Variants in CNTN6 observed in about 807,000 individuals in gnomAD.
The protein encoded by CNTN6 is contactin-6.
In CNTN6, 137 loss-of-function variants were observed where a neutral mutation model predicts 122.8. That is an observed-to-expected ratio of 1.12 (90% CI 0.97 to 1.29). The LOEUF (loss-of-function observed/expected upper bound fraction) is 1.29. Among genes scored for constraint, CNTN6 ranks in the 50% most tolerant of loss-of-function variants. CNTN6 has a pLI of 0.00. For synonymous variants in CNTN6, 570 were observed against 426.0 expected (o/e 1.34, Z -4.16); for missense variants, 1,634 against 1,223.4 (o/e 1.34, Z -5.01).
chr3:1,403,444 GT>G lies in CNTN6; in HGVS notation c.*32del, dbSNP rs764418691. 2 of 1,496,994 alleles carry G rather than the reference GT, an allele frequency of 1.3e-6. No individual in the cohort carries two copies. Among genetic ancestry groups the G allele is most frequent in the Middle Eastern group, 1.7e-4 (1 of 5,822 alleles). 92.7% of individuals were successfully genotyped at this position (1,496,994 alleles called of 1,614,324 possible). A position where few individuals can be genotyped will look rare whatever the true frequency, so the allele number is the denominator to read the frequency against. On this transcript the variant is annotated 3_prime_UTR_variant, in exon 23 of 23. Transcript: ENST00000446702. ...TGAATAAAACCATAAATCTTTGAGA[GT>G]TTTTTGAAAGCAAATCATTCTGTAT...
At chr3:1,281,311 A>G (rs1362535997) in intron 5 of CNTN6, among the ~76,000 whole-genome samples, 1 of 152,176 alleles carries the variant, frequency 6.6e-6, no homozygotes, top group Non-Finnish European at 1.5e-5. Context: ...CTAGAAATAT[A>G]TTCATGGGGG....
intron 2 of CNTN6, among the ~76,000 whole-genome samples, chr3:1,202,266 C>A (rs554984933): frequency 6.7e-4 from 102 of 152,348 alleles, no homozygotes; most frequent in Admixed American, 2.1e-3. Context: ...TTGGGCCGGG[C>A]GCGGTGGCTC....
chr3:1,275,384 A>G (rs1692147293), intron 4 of CNTN6, among the ~76,000 whole-genome samples: 1 of 152,200 alleles, frequency 6.6e-6, no homozygotes, highest in African/African-American at 2.4e-5. Context: ...TTTCTTGGCA[A>G]GATCACATAT....
chr3:1,284,306 GA>G (rs145983990), intron 5 of CNTN6, among the ~76,000 whole-genome samples: 4,692 of 152,248 alleles, frequency 0.031, 245 homozygotes, highest in African/African-American at 0.11. Flanking sequence ...AAATTATGTA[GA>G]GAAAAAAGTG....
intron 7 of CNTN6, among the ~76,000 whole-genome samples, chr3:1,300,603 A>AAGAAAGAG (rs1330480945): frequency 8.5e-5 from 10 of 117,318 alleles, no homozygotes; most frequent in Non-Finnish European, 1.6e-4. Context: ...GAAAGAAAGA[A>AAGAAAGAG]AGAGAGAAAG....
intron 4 of CNTN6, among the ~76,000 whole-genome samples, chr3:1,270,894 T>TCGTG (rs1553649524): frequency 6.6e-6 from 1 of 152,004 alleles, no homozygotes; most frequent in Non-Finnish European, 1.5e-5. Flanking sequence ...TACTTTGTCT[T>TCGTG]TGTTTGTTTG....
chr3:1,295,343 T>C (rs1696024813), intron 5 of CNTN6, among the ~76,000 whole-genome samples: 1 of 152,174 alleles, frequency 6.6e-6, no homozygotes, highest in Non-Finnish European at 1.5e-5. Flanking sequence ...CTTATTTCCA[T>C]AACATCCTAT....
At chr3:1,208,733 C>T (rs1356544753) in intron 2 of CNTN6, among the ~76,000 whole-genome samples, 1 of 152,104 alleles carries the variant, frequency 6.6e-6, no homozygotes, top group Non-Finnish European at 1.5e-5. Context: ...CTCATTTTCT[C>T]ATCTTTAAAA....
At chr3:1,289,971 G>A (rs1169807493) in intron 5 of CNTN6, among the ~76,000 whole-genome samples, 2 of 151,754 alleles carry the variant, frequency 1.3e-5, no homozygotes, top group African/African-American at 4.8e-5. Context: ...AATGCGCCCG[G>A]CGAGTTTTAT....
intron 2 of CNTN6, among the ~76,000 whole-genome samples, chr3:1,205,017 C>A (rs58445416): frequency 3.2e-4 from 48 of 151,978 alleles, no homozygotes; most frequent in African/African-American, 1.1e-3. Context: ...GCTGGGGAGG[C>A]CTTTGAAGTA....
chr3:1,245,217 T>C (rs1254132153), intron 4 of CNTN6, among the ~76,000 whole-genome samples: 2 of 23,832 alleles, frequency 8.4e-5, no homozygotes, highest in African/African-American at 3.2e-4. Flanking sequence ...TATATATATA[T>C]ATATATATAT....
At chr3:1,300,032 A>G (rs1427031372) in intron 7 of CNTN6, among the ~76,000 whole-genome samples, 2 of 151,964 alleles carry the variant, frequency 1.3e-5, no homozygotes, top group Non-Finnish European at 2.9e-5. Context: ...GCTGGAGTGC[A>G]GTGGCTTGAT....
chr3:1,388,258 AC>A (rs1357644492), intron 20 of CNTN6, among the ~76,000 whole-genome samples: 1 of 148,676 alleles, frequency 6.7e-6, no homozygotes, highest in African/African-American at 2.5e-5. Context: ...CTGACCCCTG[AC>A]CCCCGAGCAG....
intron 5 of CNTN6, among the ~76,000 whole-genome samples, chr3:1,290,313 A>T (rs1695120196): frequency 6.6e-6 from 1 of 152,192 alleles, no homozygotes; most frequent in African/African-American, 2.4e-5. Flanking sequence ...GTTCTTAAGA[A>T]ATTGGACGCA....
intron 5 of CNTN6, among the ~76,000 whole-genome samples, chr3:1,280,699 A>G (rs1693250435): frequency 6.6e-6 from 1 of 151,848 alleles, no homozygotes; most frequent in African/African-American, 2.4e-5. Context: ...TCCTAACCTC[A>G]GGTGATCTGC....
intron 1 of CNTN6, among the ~76,000 whole-genome samples, chr3:1,094,351 TA>T (rs544330712): frequency 1.3e-4 from 19 of 151,340 alleles, no homozygotes; most frequent in South Asian, 2.1e-4. Context: ...ACAATTTGTG[TA>T]AAAAAAAAGA....
chr3:1,396,875 C>A lies in CNTN6; in HGVS notation c.2705-4558C>A, dbSNP rs181577511. Reference sequence around the variant, plus strand: ...ACTCTCCATGTCCTTGAGATGACATCAAGATTACCTCTCAATAGTGGTGAC... The same window carrying A: ...ACTCTCCATGTCCTTGAGATGACATAAAGATTACCTCTCAATAGTGGTGAC... On this transcript the variant is annotated intron_variant, in intron 20 of 22. Coordinates refer to ENST00000446702, the MANE Select transcript of CNTN6 (RefSeq NM_001289080.2). 4.2e-3 allele frequency among the ~76,000 whole-genome samples: 639 copies of A among 152,240 alleles called. 5 individuals are homozygous for A. Among genetic ancestry groups the A allele is most frequent in the Non-Finnish European group, 4.5e-3 (305 of 68,004 alleles).
At chr3:1,102,798 G>T (rs898667525) in intron 1 of CNTN6, among the ~76,000 whole-genome samples, 1 of 148,746 alleles carries the variant, frequency 6.7e-6, no homozygotes, top group Non-Finnish European at 1.5e-5. Context: ...ATAATACACA[G>T]AAAACATTTA....
intron 12 of CNTN6, among the ~76,000 whole-genome samples, chr3:1,361,459 T>G (rs1220641064): frequency 6.6e-6 from 1 of 152,154 alleles, no homozygotes; most frequent in African/African-American, 2.4e-5. Context: ...GGTGCAATAC[T>G]AATTAAATGG....
Sources: allele counts gnomAD v4.1 joint callset (sites outside exome capture counted in the v4.1 genomes callset), GRCh38; gene constraint gnomAD v4.1.1; transcripts MANE v1.5; gene names NCBI Gene and HGNC (gene_info 2026-07-23, HGNC 2026-07-21).